CDH4: variants seen among roughly 807,000 people sequenced by gnomAD.
The protein encoded by CDH4 is cadherin 4.
In CDH4, 33 loss-of-function variants were observed where a neutral mutation model predicts 86.0. That is an observed-to-expected ratio of 0.38 (90% CI 0.29 to 0.51). The LOEUF is 0.51. CDH4 is among the 20% of genes least tolerant of loss of function. The pLI, the probability that CDH4 is intolerant of heterozygous loss-of-function variation, is 0.86. For missense variants in CDH4, 1,114 were observed against 1,307.4 expected (o/e 0.85, Z 2.28); for synonymous variants, 555 against 549.4 (o/e 1.01, Z -0.14).
At chr20:61,469,450 C>T (rs1042212522) in intron 2 of CDH4, among the ~76,000 whole-genome samples, 2 of 152,134 alleles carry the variant, frequency 1.3e-5, no homozygotes, top group African/African-American at 2.4e-5. Context: ...TTTATATATT[C>T]TGGTTACTAA....
chr20:61,547,249 G>T (rs1164740931), intron 2 of CDH4, among the ~76,000 whole-genome samples: 7 of 114,852 alleles, frequency 6.1e-5, no homozygotes, highest in African/African-American at 2.4e-4. Flanking sequence ...GTCTCACTCT[G>T]TCTCCCAGGC....
At chr20:61,885,263 C>A (rs111864823) in intron 7 of CDH4, among the ~76,000 whole-genome samples, 39 of 152,344 alleles carry the variant, frequency 2.6e-4, no homozygotes, top group African/African-American at 7.7e-4. Flanking sequence ...CTCCAGGACT[C>A]TTCCATCACC....
At chr20:61,419,386 G>A (rs1443539270) in intron 2 of CDH4, among the ~76,000 whole-genome samples, 1 of 152,174 alleles carries the variant, frequency 6.6e-6, no homozygotes, top group Non-Finnish European at 1.5e-5. Context: ...TTACAGCTTA[G>A]GCAAGTTCGT....
chr20:61,726,088 A>G (rs1310601787), intron 2 of CDH4, among the ~76,000 whole-genome samples: 3 of 151,696 alleles, frequency 2.0e-5, no homozygotes, highest in African/African-American at 7.3e-5. Flanking sequence ...CACCACGACC[A>G]GGGCCCTGCA....
chr20:61,749,990 G>C (rs947985277), intron 3 of CDH4, among the ~76,000 whole-genome samples: 1 of 152,080 alleles, frequency 6.6e-6, no homozygotes, highest in African/African-American at 2.4e-5. Context: ...GAACCCAGGG[G>C]ACAGAGGTTG....
At chr20:61,741,652 C>G (rs557332979) in intron 2 of CDH4, among the ~76,000 whole-genome samples, 2 of 151,974 alleles carry the variant, frequency 1.3e-5, no homozygotes, top group Admixed American at 6.5e-5. Context: ...CCACCACGCC[C>G]GGCTAACTTT....
intron 3 of CDH4, among the ~76,000 whole-genome samples, chr20:61,759,657 AT>A (rs138959907): frequency 3.1e-4 from 46 of 150,734 alleles, no homozygotes; most frequent in Middle Eastern, 3.4e-3. Flanking sequence ...ATTTAATTTA[AT>A]TTTTTTTTTA....
intron 2 of CDH4, among the ~76,000 whole-genome samples, chr20:61,735,312 C>T (rs1379645997): frequency 6.6e-6 from 1 of 152,204 alleles, no homozygotes; most frequent in Middle Eastern, 3.2e-3. Context: ...CGTAAATGTC[C>T]CCATTTTCAG....
At chr20:61,565,298 G>GT (rs1568688885) in intron 2 of CDH4, among the ~76,000 whole-genome samples, 13 of 58,106 alleles carry the variant, frequency 2.2e-4, no homozygotes, top group African/African-American at 9.1e-4. Context: ...GATGGTGGTG[G>GT]CGGTGCTCTT....
chr20:61,287,470 G>A (rs983286720), intron 2 of CDH4, among the ~76,000 whole-genome samples: 2 of 152,134 alleles, frequency 1.3e-5, no homozygotes, highest in Admixed American at 6.5e-5. Flanking sequence ...ACGAGACCCT[G>A]TCTCAAGAAG....
chr20:61,825,488 G>A (rs1359140645), intron 4 of CDH4, among the ~76,000 whole-genome samples: 3 of 152,150 alleles, frequency 2.0e-5, no homozygotes, highest in Admixed American at 2.0e-4. Context: ...TCACTCCTAA[G>A]AATGTTACTG....
chr20:61,577,923 A>T (rs1018617151), intron 2 of CDH4, among the ~76,000 whole-genome samples: 2 of 151,960 alleles, frequency 1.3e-5, no homozygotes, highest in East Asian at 1.9e-4. Flanking sequence ...GCTTGTCTTC[A>T]TTTCTCTCCT....
intron 4 of CDH4, among the ~76,000 whole-genome samples, chr20:61,773,487 C>A (rs919200680): frequency 2.6e-5 from 4 of 152,066 alleles, no homozygotes; most frequent in African/African-American, 9.7e-5. Flanking sequence ...ACCTCTGACC[C>A]CTTTCTTTGG....
At chr20:61,541,008 T>C (rs1430828643) in intron 2 of CDH4, among the ~76,000 whole-genome samples, 1 of 151,950 alleles carries the variant, frequency 6.6e-6, no homozygotes, top group Non-Finnish European at 1.5e-5. Flanking sequence ...GATGGAAGAG[T>C]GGGTGAGAGG....
chr20:61,901,598 A>G (rs938520861), intron 8 of CDH4, among the ~76,000 whole-genome samples: 3 of 152,252 alleles, frequency 2.0e-5, no homozygotes, highest in African/African-American at 7.2e-5. Flanking sequence ...CGGCTGGGCA[A>G]GAGCACCAGG....
At chr20:61,805,036 G>A (rs1216577332) in intron 4 of CDH4, among the ~76,000 whole-genome samples, 1 of 152,210 alleles carries the variant, frequency 6.6e-6, no homozygotes, top group Non-Finnish European at 1.5e-5. Context: ...GCCAGGCCAA[G>A]AGTGCATCCC....
At chr20:61,818,092 C>T (rs962189947) in intron 4 of CDH4, among the ~76,000 whole-genome samples, 2 of 151,890 alleles carry the variant, frequency 1.3e-5, no homozygotes, top group African/African-American at 2.4e-5. Context: ...TGCAATGGTG[C>T]GATCTTGGCT....
intron 9 of CDH4, among the ~76,000 whole-genome samples, chr20:61,918,510 CAG>C (rs1034248781): frequency 2.0e-5 from 3 of 152,120 alleles, no homozygotes; most frequent in Non-Finnish European, 1.5e-5. Context: ...CCAGGGGTGG[CAG>C]AGTCAGGGTG....
intron 2 of CDH4, among the ~76,000 whole-genome samples, chr20:61,325,136 G>T (rs537747411): frequency 6.6e-6 from 1 of 152,042 alleles, no homozygotes. Flanking sequence ...TACATCTCAC[G>T]GTGCCTGACG....
Sources: allele counts gnomAD v4.1 joint callset (sites outside exome capture counted in the v4.1 genomes callset), GRCh38; gene constraint gnomAD v4.1.1; transcripts MANE v1.5; gene names NCBI Gene and HGNC (gene_info 2026-07-23, HGNC 2026-07-21).